Variants in ZNF544 observed in about 807,000 individuals in gnomAD.
ZNF544 encodes zinc finger protein AF020591.
Under a neutral mutation model 13.5 loss-of-function variants are expected in ZNF544, and 10 were observed. The observed-to-expected ratio is 0.74, with a 90% CI of 0.46 to 1.25. The LOEUF is 1.25. ZNF544 is among the 50% of genes most tolerant of loss of function. ZNF544 has a pLI of 0.00. For missense variants in ZNF544, 896 were observed against 845.6 expected (o/e 1.06, Z -0.74); for synonymous variants, 323 against 300.5 (o/e 1.07, Z -0.77).
At chr19:58,273,041 T>G (rs1000108186) in intron 5 of ZNF544, among the ~76,000 whole-genome samples, 2 of 148,468 alleles carry the variant, frequency 1.3e-5, no homozygotes, top group African/African-American at 5.0e-5. Context: ...ATTAGCCGGG[T>G]GTGGTGGCGC....
chr19:58,244,150 A>C, intron 4 of ZNF544, 94 bp downstream of exon 4: 1 of 1,082,084 alleles, frequency 9.2e-7, no homozygotes, highest in Non-Finnish European at 1.3e-6. Context: ...GTCACACAGG[A>C]GCGCTCCGCA....
chr19:58,275,783 C>CAAAAAAG (rs2051167560), intron 5 of ZNF544, among the ~76,000 whole-genome samples: 2 of 66,224 alleles, frequency 3.0e-5, no homozygotes, highest in African/African-American at 1.2e-4. Context: ...GACCCTGTCT[C>CAAAAAAG]AAAAAAAAAA....
chr19:58,244,030 G>A lies in ZNF544; in HGVS notation c.7G>A (p.Ala3Thr). Residue 3 changes from alanine (A) to threonine (T), a missense_variant, in exon 4 of 7, where the codon GCA becomes ACA. Transcript: ENST00000687789. Reference sequence around the variant, plus strand: ...CTTCAGGTGCAGGGAGGAAATGGAAGCACGTTCTATGCTGGTTCCACCCCA... The same window carrying A: ...CTTCAGGTGCAGGGAGGAAATGGAAACACGTTCTATGCTGGTTCCACCCCA... ME[A>T]RSMLVPPQAS... The A allele has an allele frequency of 6.2e-7, 1 of 1,608,778 alleles. No homozygotes were observed. Among genetic ancestry groups the A allele is most frequent in the Non-Finnish European group, 8.5e-7 (1 of 1,177,406 alleles).
At chr19:58,250,912 A>G (rs2046192943) in intron 6 of ZNF544, among the ~76,000 whole-genome samples, 1 of 152,212 alleles carries the variant, frequency 6.6e-6, no homozygotes, top group Non-Finnish European at 1.5e-5. Flanking sequence ...AGTTAAATGT[A>G]AAGTTTTTAA....
chr19:58,276,128 G>C (rs2051203493), intron 5 of ZNF544, among the ~76,000 whole-genome samples: 1 of 152,110 alleles, frequency 6.6e-6, no homozygotes, highest in Non-Finnish European at 1.5e-5. Context: ...AATGAGCCAA[G>C]ATTGCAGCAC....
intron 6 of ZNF544, among the ~76,000 whole-genome samples, chr19:58,248,626 T>C (rs2045791846): frequency 6.6e-6 from 1 of 152,180 alleles, no homozygotes; most frequent in African/African-American, 2.4e-5. Context: ...GTAGTTCCAC[T>C]ACCCTAAATA....
chr19:58,252,819 C>T (rs1985434), intron 6 of ZNF544, among the ~76,000 whole-genome samples: 89,379 of 152,008 alleles, frequency 0.59, 26,464 homozygotes, highest in Middle Eastern at 0.68. Flanking sequence ...TTTTTATTTA[C>T]TTATTATCAT....
Position 58,262,422 on chromosome 19 carries a change from T to G in ZNF544, c.1816T>G (p.Cys606Gly), listed in dbSNP as rs747039316. ...TCACACTGGAGAAAAGCCCTATGAA[T>G]GTAACGAGTGTGGAAAAGCCTTCAA... is the stretch of plus-strand genomic sequence containing the variant. ...RTHTGEKPYE[C>G]NECGKAFNRS... Residue 606 changes from cysteine (C) to glycine (G), a missense_variant, in exon 7 of 7, where the codon TGT becomes GGT. Transcript: ENST00000687789. 15 of 1,614,056 alleles carry G rather than the reference T, an allele frequency of 9.3e-6. No individual in the cohort carries two copies. The highest frequency in any genetic ancestry group is 1.3e-5 in the Non-Finnish European group (15 of 1,180,036).
rs1438712698 is a variant in ZNF544, at chr19:58,246,720, T to G, written c.170T>G (p.Leu57Arg). The change falls in exon 6 of 7, where the codon CTT becomes CGT. Residue 57 changes from leucine (L) to arginine (R), a missense_variant. Leu to Arg is a moderately radical substitution (Grantham distance 102, BLOSUM62 -2). Transcript: ENST00000687789. ...TTCCGTCTTTGACCAGGGCTTTTCC[T>G]TTCCAAATCTGATGTGATCTCTCAG... ...WEHIVSLGLF[L>R]SKSDVISQLE... The G allele has an allele frequency of 1.1e-5, 17 of 1,614,130 alleles. No individual in the cohort carries two copies.
intron 3 of ZNF544, among the ~76,000 whole-genome samples, chr19:58,234,062 C>T (rs921299308): frequency 1.3e-5 from 2 of 152,218 alleles, no homozygotes; most frequent in African/African-American, 2.4e-5. Context: ...GAGTCCTGGC[C>T]TTTGGTGATA....
At chr19:58,255,409 C>A (rs2047077666) in intron 6 of ZNF544, among the ~76,000 whole-genome samples, 1 of 152,004 alleles carries the variant, frequency 6.6e-6, no homozygotes, top group Non-Finnish European at 1.5e-5. Context: ...AAACTCCTGA[C>A]CTCAGGTGAT....
At chr19:58,242,152 C>T (rs764114297) in intron 3 of ZNF544, 16 of 793,384 alleles carry the variant, frequency 2.0e-5, no homozygotes, top group South Asian at 5.7e-5. Flanking sequence ...ATGAGAGCAT[C>T]GCTGGGGTGA....
intron 4 of ZNF544, among the ~76,000 whole-genome samples, chr19:58,245,212 T>C (rs1282825206): frequency 6.6e-6 from 1 of 151,368 alleles, no homozygotes; most frequent in African/African-American, 2.4e-5. Flanking sequence ...AGTGTTGGGA[T>C]TACAGGCATG....
rs369338107 is a variant in ZNF544, at chr19:58,246,264, C to T, written c.34-37C>T. The T allele has an allele frequency of 1.9e-6, 3 of 1,613,154 alleles. No homozygotes were observed. The African/African-American group carries it at 4.0e-5, about 22-fold the overall frequency. The stretch of plus-strand genomic sequence containing the variant: ...GGTACCTCCGTGAGGGCATGAGGAC[C>T]TGGGGTCTCTGAGCAGTAACAAGTG... On this transcript the variant is annotated intron_variant, in intron 4 of 6. Transcript: ENST00000687789.
chr19:58,260,738 A>T, intron 6 of ZNF544, 113 bp from the exon 7 acceptor site: 1 of 983,274 alleles, frequency 1.0e-6, no homozygotes, highest in Non-Finnish European at 1.5e-6. Context: ...TACAGTTTGT[A>T]GTTTGGAAAC....
chr19:58,266,212 CA>C (rs760851818), downstream of ZNF544, among the ~76,000 whole-genome samples: 218 of 46,180 alleles, frequency 4.7e-3, no homozygotes, highest in African/African-American at 0.015. Context: ...GACTCTGTCT[CA>C]AAAAAAAAAA....
In ZNF544 at chr19:58,237,922, G is replaced by A. The variant is rs918904591; in HGVS notation, c.-59-6043G>A. Reference sequence around the variant, plus strand: ...AAGGTGTTCCATGAGACTGACAGACGTCACAAGGTCTGTGGGGAGTGTCTG... The same window carrying A: ...AAGGTGTTCCATGAGACTGACAGACATCACAAGGTCTGTGGGGAGTGTCTG... On this transcript the variant is annotated intron_variant, in intron 3 of 6. Transcript: ENST00000687789. Among the ~76,000 whole-genome samples the A allele has an allele frequency of 4.6e-5, 7 of 152,182 alleles. No homozygotes were observed. In the East Asian group the frequency reaches 9.6e-4, roughly 21 times the overall value.
intron 6 of ZNF544, among the ~76,000 whole-genome samples, chr19:58,247,887 T>C (rs2045594701): frequency 6.6e-6 from 1 of 152,092 alleles, no homozygotes; most frequent in Non-Finnish European, 1.5e-5. Context: ...ATTGTACATC[T>C]GTTACAATCG....
At position 58,262,387 on chromosome 19, in the gene ZNF544, A is replaced by G; in HGVS notation, c.1781A>G (p.His594Arg). The change falls in exon 7 of 7, where the codon CAT (histidine) becomes CGT (arginine). Residue 594 changes from histidine to arginine, a missense_variant. Physicochemically the swap from His to Arg is conservative, Grantham distance 29. Coordinates refer to ENST00000687789, the MANE Select transcript of ZNF544 (RefSeq NM_014480.4). ...SFSQSYQLVAHKRTHTGEKPY... is the reference protein window; with the variant it reads ...SFSQSYQLVARKRTHTGEKPY... ...AGCCAAAGCTATCAGTTAGTTGCAC[A>G]TAAAAGAACTCACACTGGAGAAAAG... 1 of 1,614,216 alleles carries G rather than the reference A, an allele frequency of 6.2e-7. No individual in the cohort carries two copies. The highest frequency in any genetic ancestry group is 8.5e-7 in the Non-Finnish European group (1 of 1,180,022).
Sources: gnomAD v4.1 joint callset for allele counts (sites outside exome capture counted in the v4.1 genomes callset) on GRCh38, gnomAD v4.1.1 for gene constraint, MANE v1.5 for transcripts, NCBI Gene and HGNC (gene_info 2026-07-23, HGNC 2026-07-21) for gene names.